The following FASTKD1 variants were observed in gnomAD, a reference collection of about 807,000 sequenced individuals.
FASTKD1 encodes FAST kinase domain-containing protein 1, mitochondrial.
In FASTKD1, 94 loss-of-function variants were observed where a neutral mutation model predicts 90.9. The ratio of observed to expected loss-of-function variants is 1.03; its 90% CI spans 0.88 to 1.23. The LOEUF is 1.23. Ranked by LOEUF, FASTKD1 falls within the 50% of genes most tolerant of loss-of-function variation. The pLI, the probability that FASTKD1 is intolerant of heterozygous loss-of-function variation, is 0.00. For missense variants in FASTKD1, 945 were observed against 993.5 expected, an observed-to-expected ratio of 0.95 and a Z score of 0.66; for synonymous variants, 319 against 345.8, an observed-to-expected ratio of 0.92 and a Z score of 0.86.
At chr2:169,544,982 C>T (rs537214154) in intron 8 of FASTKD1, 147 bp from the exon 9 acceptor site, 2 of 544,080 alleles carry the variant, frequency 3.7e-6, no homozygotes, top group Non-Finnish European at 6.5e-6. Flanking sequence ...ATTTTTCCAT[C>T]CTGCTATAAT....
chr2:169,545,340 A>T (rs1027532854), intron 8 of FASTKD1, among the ~76,000 whole-genome samples: 3 of 152,270 alleles, frequency 2.0e-5, no homozygotes, highest in Non-Finnish European at 4.4e-5. Flanking sequence ...AATCATAATT[A>T]AAGAAGTTTC....
In FASTKD1 at chr2:169,548,919, A is replaced by T. The variant is rs550559705; in HGVS notation, c.1215-2215T>A. On this transcript the variant is annotated intron_variant, in intron 7 of 14. Coordinates refer to ENST00000453153, the MANE Select transcript of FASTKD1 (RefSeq NM_024622.6). ...ACCATTCTGGCTAACATGGTGAAACACCGTCTCTACTAAAAATACAAAAAA... is the reference window on the plus strand; with the variant it reads ...ACCATTCTGGCTAACATGGTGAAACTCCGTCTCTACTAAAAATACAAAAAA... 8.0e-5 allele frequency among the ~76,000 whole-genome samples: 12 copies of T among 150,936 alleles called. No homozygotes were observed. The South Asian group carries it at 2.5e-3, about 32-fold the overall frequency.
Position 169,569,139 on chromosome 2 carries a change from T to C in FASTKD1, c.446+45A>G, listed in dbSNP as rs368459745. 11 of 1,531,124 alleles carry C rather than the reference T, an allele frequency of 7.2e-6. No individual in the cohort carries two copies. The African/African-American group carries it at 1.2e-4, about 17-fold the overall frequency. The allele number at this position is 1,531,124 out of a possible 1,614,324, so 94.8% of individuals were successfully genotyped here. A position where few individuals can be genotyped will look rare whatever the true frequency, so the allele number is the denominator to read the frequency against. ...CTTCAAGATTTCACTCTGTTAACCC[T>C]GAAAAGAATAACCCTGATCTTCAAG... On this transcript the variant is annotated intron_variant, in intron 3 of 14. Transcript: ENST00000453153.
chr2:169,557,383 A>G, intron 5 of FASTKD1, 86 bp from the exon 6 acceptor site: 1 of 573,692 alleles, frequency 1.7e-6, no homozygotes, highest in African/African-American at 3.2e-5. Context: ...TGGGTAACAA[A>G]TAGGAAAAAA....
chr2:169,557,249 T>C lies in FASTKD1; in HGVS notation c.1020A>G (p.Gln340=). 6.2e-7 allele frequency: 1 copy of C among 1,612,880 alleles called. No homozygotes were observed. The highest frequency in any genetic ancestry group is 8.5e-7 in the Non-Finnish European group (1 of 1,179,442). ...LLMSEDLTGE[Q]ALAVLGAMGD... ...CCATTGCTCCCAACACTGCCAGGGC[T>C]TGCTCGCCAGTTAGGTCCTCTGACA... Residue 340 remains glutamine (Q), a synonymous_variant, in exon 6 of 15, where the codon CAA becomes CAG. Transcript: ENST00000453153.
intron 5 of FASTKD1, among the ~76,000 whole-genome samples, chr2:169,558,364 T>G (rs1379025636): frequency 6.6e-6 from 1 of 152,120 alleles, no homozygotes; most frequent in Non-Finnish European, 1.5e-5. Flanking sequence ...TTCAAGCGAT[T>G]CTCCTGCCTC....
intron 13 of FASTKD1, chr2:169,531,034 T>G (rs766930253): frequency 1.5e-6 from 1 of 667,534 alleles, no homozygotes; most frequent in South Asian, 1.4e-5. Flanking sequence ...TATAGTAAGT[T>G]ACTGTAATGC....
chr2:169,535,871 G>C (rs1231486429), intron 12 of FASTKD1, among the ~76,000 whole-genome samples: 1 of 151,916 alleles, frequency 6.6e-6, no homozygotes, highest in African/African-American at 2.4e-5. Flanking sequence ...TCATCTTTGA[G>C]ATAGAGATAT....
At position 169,547,884 on chromosome 2, in the gene FASTKD1, C is replaced by CAAAAAAAAAAA. The variant is rs1158292826; in HGVS notation, c.1215-1191_1215-1181dup. ...TGGGCGACAGAGGAAGACTCCATCT[C>CAAAAAAAAAAA]AAAAAAAAAAAAAAAAAAAAAAAAA... On this transcript the variant is annotated intron_variant, in intron 7 of 14. Transcript: ENST00000453153. Among the ~76,000 whole-genome samples the CAAAAAAAAAAA allele has an allele frequency of 3.8e-3, 81 of 21,334 alleles. 6 individuals are homozygous for CAAAAAAAAAAA. Among genetic ancestry groups the CAAAAAAAAAAA allele is most frequent in the Non-Finnish European group, 5.7e-3 (53 of 9,294 alleles). The allele number at this position is 21,334 out of a possible 152,430, so 14.0% of individuals were successfully genotyped here.
chr2:169,569,327 A>T, intron 2 of FASTKD1, 75 bp from the exon 3 acceptor site: 1 of 1,352,996 alleles, frequency 7.4e-7, no homozygotes, highest in Non-Finnish European at 1.1e-6. Flanking sequence ...ACGAATGATA[A>T]TGCAAAAGTG....
intron 10 of FASTKD1, among the ~76,000 whole-genome samples, chr2:169,538,675 C>CAAAAAAAAAAAAAAAAAAAAAAAAAAA (rs35866271): frequency 1.1e-5 from 1 of 90,948 alleles, no homozygotes; most frequent in Non-Finnish European, 2.1e-5. Context: ...AACTCCGTCT[C>CAAAAAAAAAAAAAAAAAAAAAAAAAAA]AAAAAAAAAA....
rs1283324572 is a variant in FASTKD1, at chr2:169,537,152, T to C, written c.2188+75A>G. On this transcript the variant is annotated intron_variant, in intron 12 of 14. Transcript: ENST00000453153. The stretch of plus-strand genomic sequence containing the variant: ...AAAAATTCAAAAAACTTTAAAAAAT[T>C]CCAACTGATAAGATGATTCTATTCA... The C allele has an allele frequency of 2.4e-5, 22 of 928,276 alleles. No homozygotes were observed. In the African/African-American group the frequency reaches 2.5e-4, roughly 11 times the overall value. 57.5% of individuals were successfully genotyped at this position (928,276 alleles called of 1,614,324 possible). A position where few individuals can be genotyped will look rare whatever the true frequency, so the allele number is the denominator to read the frequency against.
chr2:169,566,776 A>G (rs1442891001), intron 3 of FASTKD1, among the ~76,000 whole-genome samples: 1 of 152,196 alleles, frequency 6.6e-6, no homozygotes, highest in East Asian at 1.9e-4. Context: ...TTCATCATAT[A>G]GTACTAATCC....
chr2:169,571,843 G>T lies in FASTKD1; in HGVS notation c.187C>A (p.Leu63Ile). The change falls in exon 2 of 15, where the codon CTT (leucine) becomes ATT (isoleucine). Residue 63 changes from leucine (L) to isoleucine (I), a missense_variant. Leu to Ile is a conservative substitution (Grantham distance 5). Transcript: ENST00000453153. ...GCACATCCCACTTGCTTTTCTGAAAGTATGGCTTTGTTTCTTTCAATAAAA... is the reference window on the plus strand; with the variant it reads ...GCACATCCCACTTGCTTTTCTGAAATTATGGCTTTGTTTCTTTCAATAAAA... ...FGFIERNKAILSEKQVGCAFD... is the reference protein window; with the variant it reads ...FGFIERNKAIISEKQVGCAFD... 4 of 1,614,014 alleles carry T rather than the reference G, an allele frequency of 2.5e-6. No homozygotes were observed. The highest frequency in any genetic ancestry group is 3.4e-6 in the Non-Finnish European group (4 of 1,179,978).
In FASTKD1 at chr2:169,560,531, T is replaced by A. The variant is rs769679329; in HGVS notation, c.827A>T (p.Lys276Ile). 6.2e-7 allele frequency: 1 copy of A among 1,603,160 alleles called. No homozygotes were observed. Among genetic ancestry groups the A allele is most frequent in the Non-Finnish European group, 8.5e-7 (1 of 1,175,682 alleles). ...DSISKILSVY[K>I]FLQFNSFEFI... is the part of the protein sequence containing the mutation. The stretch of plus-strand genomic sequence containing the variant: ...TTCAAAACTATTAAATTGTAGAAAT[T>A]TGTATACACTAAGTATTTTACTGAT... Residue 276 changes from lysine to isoleucine, a missense_variant, in exon 5 of 15, where the codon AAA becomes ATA. Transcript: ENST00000453153.
rs1684763542 is a variant in FASTKD1, at chr2:169,537,297, C to T, written c.2118G>A (p.Met706Ile). ...MDGTQQQIFK[M>I]LAEVLGGINC... ...TGATTCCTCCTAGTACCTCTGCTAACATTTTAAAAATCTGCTGTTGTGTTC... is the reference window on the plus strand; with the variant it reads ...TGATTCCTCCTAGTACCTCTGCTAATATTTTAAAAATCTGCTGTTGTGTTC... Residue 706 changes from methionine to isoleucine, a missense_variant, in exon 12 of 15, where the codon ATG becomes ATA. Coordinates refer to ENST00000453153, the MANE Select transcript of FASTKD1 (RefSeq NM_024622.6). 6.2e-7 allele frequency: 1 copy of T among 1,613,214 alleles called. No homozygotes were observed.
chr2:169,561,849 T>C (rs544521114), intron 4 of FASTKD1, among the ~76,000 whole-genome samples: 2 of 142,866 alleles, frequency 1.4e-5, no homozygotes, highest in East Asian at 2.0e-4. Context: ...AATTATTTAT[T>C]AATTTATTGT....
chr2:169,557,604 T>C (rs1012865194), intron 5 of FASTKD1, among the ~76,000 whole-genome samples: 1 of 152,218 alleles, frequency 6.6e-6, no homozygotes, highest in African/African-American at 2.4e-5. Context: ...TATAAAATAC[T>C]ATGATTCAGT....
chr2:169,553,289 A>AAAC (rs1685582332), intron 7 of FASTKD1, among the ~76,000 whole-genome samples: 1 of 149,268 alleles, frequency 6.7e-6, no homozygotes, highest in South Asian at 2.1e-4. Context: ...AAAAAAAAAA[A>AAAC]CCCACTGTGC....
Sources: gnomAD v4.1 joint callset for allele counts (sites outside exome capture counted in the v4.1 genomes callset) on GRCh38, gnomAD v4.1.1 for gene constraint, MANE v1.5 for transcripts, NCBI Gene and HGNC (gene_info 2026-07-23, HGNC 2026-07-21) for gene names.